PARD3B: variants seen among roughly 807,000 people sequenced by gnomAD.
PARD3B encodes partitioning defective 3 homolog B.
PARD3B carries 103 observed loss-of-function variants against 130.2 expected under a neutral mutation model. That is an observed-to-expected ratio of 0.79 (90% CI 0.67 to 0.93). The LOEUF is 0.93. PARD3B is among the 40% of genes least tolerant of loss of function. The pLI is 0.00. For missense variants in PARD3B, 1,609 were observed against 1,499.2 expected, an observed-to-expected ratio of 1.07 and a Z score of -1.21; for synonymous variants, 583 against 553.2, an observed-to-expected ratio of 1.05 and a Z score of -0.76.
chr2:205,419,613 A>G (rs2046898302), intron 19 of PARD3B, among the ~76,000 whole-genome samples: 1 of 152,224 alleles, frequency 6.6e-6, no homozygotes, highest in South Asian at 2.1e-4. Flanking sequence ...CATATTACAT[A>G]CAAGTCACTT....
At chr2:204,912,138 A>G (rs1022336677) in intron 2 of PARD3B, among the ~76,000 whole-genome samples, 1 of 152,144 alleles carries the variant, frequency 6.6e-6, no homozygotes, top group African/African-American at 2.4e-5. Flanking sequence ...TGGGTTATTC[A>G]TTTAATTTTC....
chr2:205,071,156 A>G (rs1575700674), intron 4 of PARD3B, among the ~76,000 whole-genome samples: 1 of 152,180 alleles, frequency 6.6e-6, no homozygotes, highest in East Asian at 1.9e-4. Flanking sequence ...CAAATCACCC[A>G]TGATCTTTCT....
chr2:204,948,982 C>T (rs1689553047), intron 2 of PARD3B, among the ~76,000 whole-genome samples: 1 of 152,054 alleles, frequency 6.6e-6, no homozygotes, highest in Non-Finnish European at 1.5e-5. Flanking sequence ...AGAGTACTTT[C>T]TGAGAAAATG....
intron 20 of PARD3B, among the ~76,000 whole-genome samples, chr2:205,477,290 CTG>C (rs1479178135): frequency 1.3e-5 from 2 of 152,170 alleles, no homozygotes; most frequent in African/African-American, 2.4e-5. Context: ...TACAGCAACT[CTG>C]TGAATATTCT....
intron 1 of PARD3B, among the ~76,000 whole-genome samples, chr2:204,553,241 A>C (rs2125044793): frequency 6.6e-6 from 1 of 152,254 alleles, no homozygotes; most frequent in Non-Finnish European, 1.5e-5. Context: ...GGCCATCATC[A>C]AAAAATTTTA....
At chr2:204,759,885 C>G (rs1164915204) in intron 2 of PARD3B, among the ~76,000 whole-genome samples, 1 of 152,050 alleles carries the variant, frequency 6.6e-6, no homozygotes, top group Non-Finnish European at 1.5e-5. Flanking sequence ...CTAATGTAAT[C>G]TGTTTTTTGT....
At chr2:204,788,900 A>T (rs2042102678) in intron 2 of PARD3B, among the ~76,000 whole-genome samples, 1 of 152,198 alleles carries the variant, frequency 6.6e-6, no homozygotes, top group Non-Finnish European at 1.5e-5. Flanking sequence ...GTATAATGTG[A>T]TGTAGAGCAT....
chr2:205,421,650 T>G lies in PARD3B; in HGVS notation c.2742-18720T>G, dbSNP rs543474061. 6.6e-6 allele frequency among the ~76,000 whole-genome samples: 1 copy of G among 152,318 alleles called. No homozygotes were observed. Among genetic ancestry groups the G allele is most frequent in the Non-Finnish European group, 1.5e-5 (1 of 68,020 alleles). ...TTCATAATCAGCATTAGTCTTCTAT[T>G]GCTGCTGTAACAAATTACCACATAC... is the stretch of plus-strand genomic sequence containing the variant. On this transcript the variant is annotated intron_variant, in intron 19 of 22. Coordinates refer to ENST00000406610, the MANE Select transcript of PARD3B (RefSeq NM_001302769.2). The surrounding 1 kb of genome is among the most constrained non-coding windows in gnomAD (Gnocchi z 5.1).
intron 2 of PARD3B, among the ~76,000 whole-genome samples, chr2:204,883,446 TA>T (rs2046143463): frequency 9.6e-6 from 1 of 103,780 alleles, no homozygotes; most frequent in African/African-American, 4.4e-5. Context: ...TATATATATA[TA>T]TATATATATT....
At chr2:204,564,806 G>A (rs917386637) in intron 1 of PARD3B, among the ~76,000 whole-genome samples, 1 of 152,176 alleles carries the variant, frequency 6.6e-6, no homozygotes, top group African/African-American at 2.4e-5. Context: ...GTTGGAAAGG[G>A]AGAAGCATTT....
At chr2:204,874,205 G>A (rs2045748435) in intron 2 of PARD3B, among the ~76,000 whole-genome samples, 1 of 152,136 alleles carries the variant, frequency 6.6e-6, no homozygotes, top group African/African-American at 2.4e-5. Context: ...AAGTGTGGGA[G>A]CTCTAGGTTT....
chr2:205,424,144 T>C (rs935568244), intron 19 of PARD3B, among the ~76,000 whole-genome samples: 2 of 152,174 alleles, frequency 1.3e-5, no homozygotes, highest in African/African-American at 2.4e-5. Context: ...TTTAAAGCCT[T>C]CTGCGTGAGT....
In PARD3B at chr2:205,176,355, T is replaced by C. The variant is rs529113219; in HGVS notation, c.1792-90T>C. On this transcript the variant is annotated intron_variant, in intron 12 of 22. Transcript: ENST00000406610. This position sits in a 1 kb window ranked among gnomAD's most constrained non-coding sequence, Gnocchi z 5.3. ...GTGTAATAGACTCTTGAAAGACTAT[T>C]CATACAGCGATCATTCTTTCACTTT... 6.7e-5 allele frequency: 87 copies of C among 1,291,786 alleles called. 2 individuals are homozygous for C. The South Asian group carries it at 1.2e-3, about 17-fold the overall frequency. 80.0% of individuals were successfully genotyped at this position (1,291,786 alleles called of 1,614,324 possible).
intron 15 of PARD3B, among the ~76,000 whole-genome samples, chr2:205,198,196 T>C (rs1308865263): frequency 6.6e-6 from 1 of 152,174 alleles, no homozygotes; most frequent in East Asian, 1.9e-4. Context: ...CACATTGGCC[T>C]CCCACGCCCA....
Position 205,585,267 on chromosome 2 carries a change from T to G in PARD3B, c.3261-30189T>G, listed in dbSNP as rs2054156065. 6.6e-6 allele frequency among the ~76,000 whole-genome samples: 1 copy of G among 152,180 alleles called. No homozygotes were observed. The highest frequency in any genetic ancestry group is 1.5e-5 in the Non-Finnish European group (1 of 68,028). On this transcript the variant is annotated intron_variant, in intron 22 of 22. Coordinates refer to ENST00000406610, the MANE Select transcript of PARD3B (RefSeq NM_001302769.2). This position sits in a 1 kb window ranked among gnomAD's most constrained non-coding sequence, Gnocchi z 5.4. ...CCTATCCCACAAAGTAAATGCTGTC[T>G]TGGGCTTTTAAGTGAATTGGGGCTA...
intron 2 of PARD3B, among the ~76,000 whole-genome samples, chr2:204,888,364 G>A (rs1342402403): frequency 1.4e-5 from 2 of 145,696 alleles, no homozygotes; most frequent in East Asian, 3.9e-4. Context: ...AGGAGAAAGG[G>A]AGAGAGGGAG....
intron 2 of PARD3B, among the ~76,000 whole-genome samples, chr2:204,869,109 A>C (rs994135548): frequency 6.6e-6 from 1 of 152,116 alleles, no homozygotes; most frequent in Non-Finnish European, 1.5e-5. Context: ...TCAATTATCT[A>C]CTTTATACAG....
At chr2:205,566,268 G>A (rs1449152988) in intron 22 of PARD3B, among the ~76,000 whole-genome samples, 4 of 152,230 alleles carry the variant, frequency 2.6e-5, no homozygotes, top group Non-Finnish European at 5.9e-5. Context: ...GATCCAGAAT[G>A]TTTGTCTAGC....
intron 16 of PARD3B, among the ~76,000 whole-genome samples, chr2:205,262,392 A>G (rs1369815349): frequency 1.3e-5 from 2 of 152,088 alleles, no homozygotes; most frequent in Middle Eastern, 3.4e-3. Context: ...CTTTGTTTCT[A>G]TAAATTAAAA....
Sources: gnomAD v4.1 joint callset for allele counts (sites outside exome capture counted in the v4.1 genomes callset) on GRCh38, gnomAD v4.1.1 for gene constraint, Gnocchi (gnomAD v3.1) non-coding constraint, MANE v1.5 for transcripts, NCBI Gene and HGNC (gene_info 2026-07-23, HGNC 2026-07-21) for gene names.